Variants in GATM observed in about 807,000 individuals in gnomAD.
GATM encodes glycine amidinotransferase, mitochondrial.
A neutral mutation model predicts 54.2 loss-of-function variants in GATM; 23 were observed. That is an observed-to-expected ratio of 0.42 (90% CI 0.31 to 0.60). The LOEUF is 0.60. GATM is among the 20% of genes least tolerant of loss of function. The probability of loss-of-function intolerance (pLI) is 0.14; values close to 1 mark genes in which losing one functional copy is unlikely to be tolerated. For synonymous variants in GATM, 168 were observed against 183.1 expected (o/e 0.92, Z 0.67); for missense variants, 401 against 544.9 (o/e 0.74, Z 2.63).
intron 1 of GATM, chr15:45,378,030 C>G: frequency 4.1e-6 from 1 of 245,744 alleles, no homozygotes. Context: ...TCGTCCCAAC[C>G]CCTTGCTCCG....
chr15:45,369,267 C>T (rs774148144), intron 3 of GATM, 59 bp downstream of exon 3: 7 of 1,484,446 alleles, frequency 4.7e-6, no homozygotes, highest in Admixed American at 3.4e-5. Context: ...TCCCCTTACA[C>T]ATTAAGAAAG....
intron 2 of GATM, among the ~76,000 whole-genome samples, chr15:45,376,336 G>A (rs539899409): frequency 1.4e-4 from 22 of 152,212 alleles, no homozygotes; most frequent in Non-Finnish European, 2.4e-4. Context: ...AGGCTGTGAC[G>A]GAAGAAGATC....
At chr15:45,379,386 T>G (rs1056300262), upstream of GATM, 2 of 152,222 alleles carry the variant, frequency 1.3e-5, no homozygotes, top group African/African-American at 4.8e-5. Flanking sequence ...ATTTTTGTAC[T>G]TATAGAATTA....
intron 2 of GATM, among the ~76,000 whole-genome samples, chr15:45,371,185 A>G (rs1889537889): frequency 6.6e-6 from 1 of 152,232 alleles, no homozygotes; most frequent in South Asian, 2.1e-4. Flanking sequence ...TGAGAAATGT[A>G]CGTGATGCAT....
chr15:45,395,756 A>G (rs1448162578), intron 3 of GATM, among the ~76,000 whole-genome samples: 4 of 152,144 alleles, frequency 2.6e-5, no homozygotes, highest in Non-Finnish European at 2.9e-5. Context: ...CTTGGAGGAG[A>G]GAATACCATT....
intron 3 of GATM, among the ~76,000 whole-genome samples, chr15:45,385,463 C>T (rs1049313585): frequency 6.6e-6 from 1 of 152,126 alleles, no homozygotes; most frequent in African/African-American, 2.4e-5. Context: ...TGAATAAATA[C>T]ATTTTTCTTA....
chr15:45,366,905 T>C (rs1889458430), intron 4 of GATM, among the ~76,000 whole-genome samples: 1 of 152,216 alleles, frequency 6.6e-6, no homozygotes, highest in African/African-American at 2.4e-5. Flanking sequence ...AGGCTCTTAC[T>C]GTGCCTAATT....
chr15:45,370,732 T>C (rs1351886217), intron 2 of GATM, among the ~76,000 whole-genome samples: 1 of 152,214 alleles, frequency 6.6e-6, no homozygotes, highest in African/African-American at 2.4e-5. Context: ...AAAATTATTG[T>C]TGAATAGGGT....
chr15:45,400,154 A>T (rs1441618990), intron 1 of GATM, among the ~76,000 whole-genome samples: 1 of 152,218 alleles, frequency 6.6e-6, no homozygotes, highest in Non-Finnish European at 1.5e-5. Flanking sequence ...CTTGGGAAAC[A>T]GATGTTGCAG....
At chr15:45,392,564 C>A (rs984853724) in intron 3 of GATM, among the ~76,000 whole-genome samples, 6 of 152,204 alleles carry the variant, frequency 3.9e-5, no homozygotes, top group East Asian at 1.9e-4. Flanking sequence ...AGAGCACCCA[C>A]AACAAGCCAT....
intron 3 of GATM, among the ~76,000 whole-genome samples, chr15:45,388,659 A>C (rs1408121941): frequency 6.6e-6 from 1 of 152,140 alleles, no homozygotes; most frequent in East Asian, 1.9e-4. Context: ...ATTTCTCATG[A>C]TTGGACTGGC....
At chr15:45,397,880 C>A (rs1475352936) in intron 2 of GATM, among the ~76,000 whole-genome samples, 1 of 152,262 alleles carries the variant, frequency 6.6e-6, no homozygotes, top group South Asian at 2.1e-4. Context: ...TTAGAGGACA[C>A]CCAGGTGGTA....
upstream of GATM, among the ~76,000 whole-genome samples, chr15:45,382,555 G>A (rs951423151): frequency 6.7e-6 from 1 of 149,336 alleles, no homozygotes; most frequent in Non-Finnish European, 1.5e-5. Flanking sequence ...CCAGCTACTC[G>A]GGAGGTTGAG....
intron 2 of GATM, among the ~76,000 whole-genome samples, chr15:45,397,706 T>C (rs1889949774): frequency 6.6e-6 from 1 of 151,994 alleles, no homozygotes. Flanking sequence ...AAGAAGGGGG[T>C]CATGGGAAGC....
At chr15:45,370,176 G>T (rs1325688801) in intron 2 of GATM, among the ~76,000 whole-genome samples, 1 of 152,028 alleles carries the variant, frequency 6.6e-6, no homozygotes, top group South Asian at 2.1e-4. Flanking sequence ...AGGAGTTCAA[G>T]ACCAGCCTGG....
In GATM at chr15:45,364,392, G is replaced by T. The variant is rs560052064; in HGVS notation, c.1043-376C>A. On this transcript the variant is annotated intron_variant, in intron 7 of 8. Transcript: ENST00000396659. ...ACAAATAAAAAAAAATAACTTGCTGGGCATAGTGGCCTGCATTTGTAGTCC... is the reference window on the plus strand; with the variant it reads ...ACAAATAAAAAAAAATAACTTGCTGTGCATAGTGGCCTGCATTTGTAGTCC... The T allele has an allele frequency of 1.0e-5, 3 of 297,934 alleles. No individual in the cohort carries two copies. In the South Asian group the frequency reaches 1.1e-4, roughly 11 times the overall value. 18.5% of individuals were successfully genotyped at this position (297,934 alleles called of 1,614,324 possible).
chr15:45,383,681 G>A (rs890687557), intron 3 of GATM, among the ~76,000 whole-genome samples: 2 of 151,368 alleles, frequency 1.3e-5, no homozygotes, highest in African/African-American at 2.4e-5. Flanking sequence ...TGCAACCTCC[G>A]CCTCCCGGGT....
chr15:45,397,265 G>C (rs1254121417), intron 2 of GATM: 1 of 151,950 alleles, frequency 6.6e-6, no homozygotes, highest in Non-Finnish European at 1.5e-5. Context: ...TGAGTGATAG[G>C]AGCAGTCTTT....
intron 3 of GATM, among the ~76,000 whole-genome samples, chr15:45,388,900 T>C (rs1889837570): frequency 6.6e-6 from 1 of 152,220 alleles, no homozygotes. Context: ...GAAGAGGGGT[T>C]TACATACATA....
Sources: gnomAD v4.1 joint callset for allele counts (sites outside exome capture counted in the v4.1 genomes callset) on GRCh38, gnomAD v4.1.1 for gene constraint, MANE v1.5 for transcripts, NCBI Gene and HGNC (gene_info 2026-07-23, HGNC 2026-07-21) for gene names.